Variants in CCDC171 observed in about 807,000 individuals in gnomAD.
CCDC171 encodes coiled-coil domain-containing protein 171.
Under a neutral mutation model 168.2 loss-of-function variants are expected in CCDC171, and 177 were observed. The ratio of observed to expected loss-of-function variants is 1.05; its 90% CI spans 0.93 to 1.19. The LOEUF (loss-of-function observed/expected upper bound fraction) is 1.19. Ranked by LOEUF, CCDC171 falls within the 50% of genes most tolerant of loss-of-function variation. The probability of loss-of-function intolerance (pLI) is 0.00; values close to 1 mark genes in which losing one functional copy is unlikely to be tolerated. For missense variants in CCDC171, 1,991 were observed against 1,539.0 expected (o/e 1.29, Z -4.91); for synonymous variants, 687 against 540.8 (o/e 1.27, Z -3.75).
chr9:16,083,009 G>C, the CCDC171 span, among the ~76,000 whole-genome samples: 2 of 152,170 alleles, frequency 1.3e-5, no homozygotes, highest in African/African-American at 4.8e-5. Context: ...AATGGTGTAT[G>C]GTTGCAGATT....
intron 14 of CCDC171, 62 bp from the exon 15 acceptor site, chr9:15,727,807 T>C (rs1406775289): frequency 3.9e-6 from 5 of 1,294,388 alleles, no homozygotes; most frequent in South Asian, 3.2e-5. Flanking sequence ...ATTAGTATTA[T>C]GTATTTTACT....
intron 25 of CCDC171, among the ~76,000 whole-genome samples, chr9:15,969,150 C>T (rs1351526865): frequency 1.3e-5 from 2 of 151,998 alleles, no homozygotes; most frequent in African/African-American, 4.8e-5. Flanking sequence ...GAAATAACAC[C>T]CCATTTCAAG....
At chr9:15,753,388 G>A (rs768924612) in intron 18 of CCDC171, among the ~76,000 whole-genome samples, 5 of 152,144 alleles carry the variant, frequency 3.3e-5, no homozygotes, top group Non-Finnish European at 7.4e-5. Flanking sequence ...TTGAAAATCC[G>A]TGCCTAGCAG....
chr9:15,611,461 G>A (rs755062846), intron 6 of CCDC171, among the ~76,000 whole-genome samples: 20 of 152,112 alleles, frequency 1.3e-4, no homozygotes, highest in Non-Finnish European at 2.4e-4. Context: ...GGAACCTTAC[G>A]ATGTCTTTTT....
chr9:16,063,041 C>T (rs1463162001), downstream of CCDC171, among the ~76,000 whole-genome samples: 3 of 152,102 alleles, frequency 2.0e-5, no homozygotes, highest in Non-Finnish European at 4.4e-5. Context: ...CCCGTGTTAC[C>T]GACACCTGGT....
At chr9:15,908,883 C>G (rs1293141196) in intron 24 of CCDC171, among the ~76,000 whole-genome samples, 1 of 152,088 alleles carries the variant, frequency 6.6e-6, no homozygotes, top group Non-Finnish European at 1.5e-5. Flanking sequence ...GCTCATGATC[C>G]AAATACCTCC....
intron 24 of CCDC171, chr9:15,874,985 G>T: frequency 5.9e-6 from 1 of 169,050 alleles, no homozygotes; most frequent in Non-Finnish European, 1.3e-5. Flanking sequence ...ACCTCTTTAA[G>T]CAAGTCTCAA....
chr9:16,076,331 C>A, the CCDC171 span, among the ~76,000 whole-genome samples: 23 of 152,194 alleles, frequency 1.5e-4, no homozygotes, highest in African/African-American at 5.1e-4. Flanking sequence ...ACCCCCTGCG[C>A]CGGGTTGGTT....
chr9:15,741,673 A>G (rs889968939), intron 16 of CCDC171, among the ~76,000 whole-genome samples: 110 of 152,006 alleles, frequency 7.2e-4, no homozygotes, highest in African/African-American at 2.5e-3. Context: ...CTGTCATTGG[A>G]TCTTTTGCTA....
intron 8 of CCDC171, among the ~76,000 whole-genome samples, chr9:15,663,077 C>CATT (rs1420346296): frequency 1.3e-5 from 2 of 152,166 alleles, no homozygotes; most frequent in Non-Finnish European, 2.9e-5. Context: ...GTCTAGTTGA[C>CATT]ATTATTATTA....
chr9:15,587,317 G>A (rs1438449921), intron 4 of CCDC171, among the ~76,000 whole-genome samples: 1 of 152,130 alleles, frequency 6.6e-6, no homozygotes, highest in Admixed American at 6.5e-5. Context: ...TGCATCATTG[G>A]GGTGGGTCTT....
intron 1 of CCDC171, among the ~76,000 whole-genome samples, chr9:15,563,704 G>A (rs183058018): frequency 2.8e-4 from 42 of 152,216 alleles, no homozygotes; most frequent in East Asian, 9.7e-4. Flanking sequence ...AGGTCAGACT[G>A]TTCAGTCAGC....
intron 23 of CCDC171, among the ~76,000 whole-genome samples, chr9:15,852,858 T>C (rs1371209573): frequency 6.6e-6 from 1 of 151,648 alleles, no homozygotes; most frequent in Non-Finnish European, 1.5e-5. Context: ...AATGATCATG[T>C]TGAATCATTC....
intron 24 of CCDC171, among the ~76,000 whole-genome samples, chr9:15,876,751 C>T (rs1348707199): frequency 2.0e-5 from 3 of 151,298 alleles, no homozygotes; most frequent in African/African-American, 7.3e-5. Context: ...TTTTTTTTTG[C>T]AGTATAAAAA....
At chr9:15,604,808 G>T (rs562627841) in intron 6 of CCDC171, among the ~76,000 whole-genome samples, 52 of 152,290 alleles carry the variant, frequency 3.4e-4, no homozygotes, top group African/African-American at 1.2e-3. Context: ...TGAAAAGAAA[G>T]TGTTTTTAGG....
chr9:15,835,290 A>G (rs530151923), intron 21 of CCDC171, among the ~76,000 whole-genome samples: 2 of 152,364 alleles, frequency 1.3e-5, no homozygotes, highest in East Asian at 3.9e-4. Flanking sequence ...ACCATTTGAT[A>G]AAATGTTATA....
At position 16,059,505 on chromosome 9, in the gene CCDC171, CTTTTTTT is replaced by C. The variant is rs869212886; in HGVS notation, n.90-1127_90-1121del. Among the ~76,000 whole-genome samples, 328 of 101,438 alleles carry C rather than the reference CTTTTTTT, an allele frequency of 3.2e-3. 1 individual carries two copies. Among genetic ancestry groups the C allele is most frequent in the Non-Finnish European group, 4.2e-3 (223 of 53,612 alleles). The allele number at this position is 101,438 out of a possible 152,430, so 66.5% of individuals were successfully genotyped here. A position where few individuals can be genotyped will look rare whatever the true frequency, so the allele number is the denominator to read the frequency against. ...TGATAGCAGGTCTTTTTTTTTTTTTCTTTTTTTTTTTTTTTTTTTTGAGACGGAGTCT... is the reference window on the plus strand; with the variant it reads ...TGATAGCAGGTCTTTTTTTTTTTTTCTTTTTTTTTTTTTGAGACGGAGTCT... On this transcript the variant is annotated intron_variant and non_coding_transcript_variant, in intron 1 of 1. Transcript: ENST00000478913.
the CCDC171 span, among the ~76,000 whole-genome samples, chr9:16,099,088 T>C: frequency 6.6e-6 from 1 of 152,222 alleles, no homozygotes; most frequent in African/African-American, 2.4e-5. Context: ...GATTCCAGAC[T>C]GTTTAGAGAG....
chr9:16,081,950 T>G, the CCDC171 span, among the ~76,000 whole-genome samples: 1 of 152,184 alleles, frequency 6.6e-6, no homozygotes, highest in South Asian at 2.1e-4. Context: ...TATCTGAATA[T>G]TCTACCTCTC....
Sources: gnomAD v4.1 joint callset for allele counts (sites outside exome capture counted in the v4.1 genomes callset) on GRCh38, gnomAD v4.1.1 for gene constraint, MANE v1.5 for transcripts, NCBI Gene and HGNC (gene_info 2026-07-23, HGNC 2026-07-21) for gene names.